The following KIF13B variants were observed in gnomAD, a reference collection of about 807,000 sequenced individuals.
The protein encoded by KIF13B is kinesin-like protein KIF13B.
In KIF13B, 127 loss-of-function variants were observed where a neutral mutation model predicts 222.0. The observed-to-expected ratio is 0.57, with a 90% confidence interval of 0.50 to 0.66. The LOEUF is 0.66. Ranked by LOEUF, KIF13B falls within the 30% of genes least tolerant of loss-of-function variation. KIF13B has a pLI of 0.00. For synonymous variants in KIF13B, 976 were observed against 919.0 expected, an observed-to-expected ratio of 1.06 and a Z score of -1.12; for missense variants, 2,173 against 2,379.0, an observed-to-expected ratio of 0.91 and a Z score of 1.80.
intron 31 of KIF13B, among the ~76,000 whole-genome samples, chr8:29,116,536 G>C (rs1335758240): frequency 6.6e-6 from 1 of 152,090 alleles, no homozygotes; most frequent in Non-Finnish European, 1.5e-5. Context: ...CAGATGAAAA[G>C]GCAACAACCA....
In KIF13B at chr8:29,197,336, C is replaced by CAAAAAAA. The variant is rs71222598; in HGVS notation, c.150-1144_150-1138dup. On this transcript the variant is annotated intron_variant, in intron 2 of 39. Transcript: ENST00000524189. ...TGGGCGACAGAGCGAGACTCCGTCTCAAAAAAAAAAAAAAAAAAAAAAAAA... is the reference window on the plus strand; with the variant it reads ...TGGGCGACAGAGCGAGACTCCGTCTCAAAAAAAAAAAAAAAAAAAAAAAAAAAAAAAA... 6.1e-4 allele frequency among the ~76,000 whole-genome samples: 35 copies of CAAAAAAA among 57,770 alleles called. 1 individual carries two copies. The highest frequency in any genetic ancestry group is 2.4e-3 in the African/African-American group (33 of 13,876). 37.9% of individuals were successfully genotyped at this position (57,770 alleles called of 152,430 possible).
chr8:29,140,342 G>C (rs1005394096), intron 20 of KIF13B, 126 bp downstream of exon 20: 1 of 1,381,938 alleles, frequency 7.2e-7, no homozygotes, highest in African/African-American at 1.4e-5. Flanking sequence ...TACCCTAAGA[G>C]TCCTTGGAAA....
At chr8:29,254,348 A>G (rs1441670061) in intron 1 of KIF13B, among the ~76,000 whole-genome samples, 2 of 151,420 alleles carry the variant, frequency 1.3e-5, no homozygotes, top group African/African-American at 4.9e-5. Context: ...TAAAACTTTC[A>G]TGCATCAAAG....
intron 7 of KIF13B, 133 bp from the exon 8 acceptor site, chr8:29,180,371 A>C (rs1812661688): frequency 3.3e-6 from 3 of 914,890 alleles, no homozygotes; most frequent in Admixed American, 2.0e-5. Context: ...TTTGTTTCTC[A>C]ATGAATATTG....
At position 29,098,170 on chromosome 8, in the gene KIF13B, CAAAAAAAA is replaced by C. The variant is rs147089450; in HGVS notation, c.4324+955_4324+962del. ...TGGGCGACAGAGTCAGACTCCATCT[CAAAAAAAA>C]AAAAAAAAAAAAGTAAGTGATGTTT... On this transcript the variant is annotated intron_variant, in intron 36 of 39. Coordinates refer to ENST00000524189, the MANE Select transcript of KIF13B (RefSeq NM_015254.4). Among the ~76,000 whole-genome samples, 6 of 30,314 alleles carry C rather than the reference CAAAAAAAA, an allele frequency of 2.0e-4. No homozygotes were observed. In the East Asian group the frequency reaches 6.7e-3, roughly 34 times the overall value. The allele number at this position is 30,314 out of a possible 152,430, so 19.9% of individuals were successfully genotyped here.
At chr8:29,103,362 C>T (rs552325735) in intron 35 of KIF13B, among the ~76,000 whole-genome samples, 47 of 152,082 alleles carry the variant, frequency 3.1e-4, no homozygotes, top group African/African-American at 7.5e-4. Context: ...GAAAGACCAA[C>T]GACACGCCGA....
At chr8:29,239,099 G>C (rs479944) in intron 2 of KIF13B, among the ~76,000 whole-genome samples, 33,852 of 152,064 alleles carry the variant, frequency 0.22, 5,171 homozygotes, top group East Asian at 0.64. Context: ...ACTCTAGGCT[G>C]ATGTCTTTAG....
At chr8:29,198,120 T>A (rs575578564) in intron 2 of KIF13B, among the ~76,000 whole-genome samples, 1 of 152,304 alleles carries the variant, frequency 6.6e-6, no homozygotes, top group East Asian at 1.9e-4. Flanking sequence ...CCACAGAAAG[T>A]CTAGCAAATG....
In KIF13B at chr8:29,071,849, C is replaced by T; in HGVS notation, c.4989G>A (p.Leu1663=). The T allele has an allele frequency of 6.5e-7, 1 of 1,538,970 alleles. No individual in the cohort carries two copies. Among genetic ancestry groups the T allele is most frequent in the Non-Finnish European group, 8.7e-7 (1 of 1,145,980 alleles). The change falls in exon 39 of 40, where the codon CTG becomes CTA. Residue 1663 remains leucine (L), a synonymous_variant. Transcript: ENST00000524189. The surrounding 1 kb of genome is among the most constrained non-coding windows in gnomAD (Gnocchi z 4.9). Reference sequence around the variant, plus strand: ...CCGGGGAGCAGCCGGGGTCCCCAGCCAGCATGCGCGAGAAGGAGCGCAACT... The same window carrying T: ...CCGGGGAGCAGCCGGGGTCCCCAGCTAGCATGCGCGAGAAGGAGCGCAACT... ...ASELRSFSRM[L]AGDPGCSPGA...
intron 1 of KIF13B, among the ~76,000 whole-genome samples, chr8:29,262,572 T>G (rs1563836585): frequency 6.6e-6 from 1 of 151,184 alleles, no homozygotes; most frequent in Non-Finnish European, 1.5e-5. Context: ...CTGCAGGGGC[T>G]GGCGACCCGC....
chr8:29,199,442 C>T (rs1371322920), intron 2 of KIF13B, among the ~76,000 whole-genome samples: 1 of 152,112 alleles, frequency 6.6e-6, no homozygotes, highest in Non-Finnish European at 1.5e-5. Context: ...GTGATGTGAA[C>T]ATCCCTGATC....
chr8:29,091,965 A>T (rs1191058351), intron 37 of KIF13B, among the ~76,000 whole-genome samples: 4 of 152,250 alleles, frequency 2.6e-5, no homozygotes, highest in Non-Finnish European at 5.9e-5. Context: ...TCATACACTT[A>T]GAAAATTCTT....
rs924777721 is a variant in KIF13B, at chr8:29,070,393, C to T, written c.*111G>A. ...CCTGTGTCGTGCAAAAAGCATTCATCGCCCTGCCCCTGGGGAAGGGGCCAC... is the reference window on the plus strand; with the variant it reads ...CCTGTGTCGTGCAAAAAGCATTCATTGCCCTGCCCCTGGGGAAGGGGCCAC... On this transcript the variant is annotated 3_prime_UTR_variant, in exon 40 of 40. Coordinates refer to ENST00000524189, the MANE Select transcript of KIF13B (RefSeq NM_015254.4). The surrounding 1 kb of genome is among the most constrained non-coding windows in gnomAD (Gnocchi z 4.1). The T allele has an allele frequency of 1.1e-5, 13 of 1,216,758 alleles. No individual in the cohort carries two copies. The highest frequency in any genetic ancestry group is 2.5e-5 in the East Asian group (1 of 39,564). 75.4% of individuals were successfully genotyped at this position (1,216,758 alleles called of 1,614,324 possible). A position where few individuals can be genotyped will look rare whatever the true frequency, so the allele number is the denominator to read the frequency against.
At chr8:29,216,841 C>T (rs922557347) in intron 2 of KIF13B, among the ~76,000 whole-genome samples, 2 of 152,100 alleles carry the variant, frequency 1.3e-5, no homozygotes, top group Non-Finnish European at 1.5e-5. Context: ...GTGACTAAGG[C>T]TAAGCTGTGG....
At chr8:29,175,975 A>G in intron 10 of KIF13B, 93 bp downstream of exon 10, 2 of 727,020 alleles carry the variant, frequency 2.8e-6, no homozygotes, top group South Asian at 3.1e-5. Flanking sequence ...GATAGAGGAA[A>G]TGATACCTGG....
intron 4 of KIF13B, among the ~76,000 whole-genome samples, chr8:29,189,015 T>C (rs1813063756): frequency 6.6e-6 from 1 of 152,182 alleles, no homozygotes; most frequent in Admixed American, 6.5e-5. Flanking sequence ...CAACCCCCTC[T>C]CCTTTCCCTC....
Position 29,111,946 on chromosome 8 carries a change from G to A in KIF13B, c.3930+1517C>T, listed in dbSNP as rs534418710. On this transcript the variant is annotated intron_variant, in intron 32 of 39. Transcript: ENST00000524189. ...TATTACAGGCCCAAGACCGTGCAAC[G>A]ACTAACTCTGCAAACAGGCTTAATT... 9.2e-5 allele frequency among the ~76,000 whole-genome samples: 14 copies of A among 152,286 alleles called. No individual in the cohort carries two copies. In the South Asian group the frequency reaches 1.0e-3, roughly 11 times the overall value.
rs36011290 is a variant in KIF13B at position 29,186,348 on chromosome 8, T to G, written c.441A>C (p.Glu147Asp). ...EENEEQSFKVEVSYMEIYNEK... is the reference protein window; with the variant it reads ...EENEEQSFKVDVSYMEIYNEK... ...CATTATAAATTTCCATGTAGGACACTTCTACTTTAAAACTCTGTTCTTCAT... is the reference window on the plus strand; with the variant it reads ...CATTATAAATTTCCATGTAGGACACGTCTACTTTAAAACTCTGTTCTTCAT... The change falls in exon 6 of 40, where the codon GAA becomes GAC. Residue 147 changes from glutamate (E) to aspartate (D), a missense_variant. By Grantham distance (45) the Glu-to-Asp change is conservative. Around this residue, in one of 2 missense-constraint regions of KIF13B, gnomAD observed 1,480 missense variants for 1,722.8 expected, o/e 0.86. Transcript: ENST00000524189. 6.2e-7 allele frequency: 1 copy of G among 1,613,642 alleles called. No individual in the cohort carries two copies. Among genetic ancestry groups the G allele is most frequent in the African/African-American group, 1.3e-5 (1 of 74,902 alleles).
intron 14 of KIF13B, among the ~76,000 whole-genome samples, chr8:29,152,996 G>A (rs754139212): frequency 2.0e-5 from 3 of 152,132 alleles, no homozygotes; most frequent in Admixed American, 6.5e-5. Flanking sequence ...TGTGTGACTT[G>A]CTTTACTATG....
Sources: allele counts gnomAD v4.1 joint callset (sites outside exome capture counted in the v4.1 genomes callset), GRCh38; gene constraint gnomAD v4.1.1; regional missense constraint gnomAD v4.1.1; non-coding constraint Gnocchi (gnomAD v3.1); transcripts MANE v1.5; gene names NCBI Gene and HGNC (gene_info 2026-07-23, HGNC 2026-07-21).